The following TEP1 variants were observed in gnomAD, a reference collection of about 807,000 sequenced individuals.
TEP1 encodes telomerase protein component 1.
A neutral mutation model predicts 306.3 loss-of-function variants in TEP1; 241 were observed. The observed-to-expected ratio is 0.79, with a 90% CI of 0.71 to 0.88. The LOEUF (loss-of-function observed/expected upper bound fraction) is 0.88, where lower values mean the gene tolerates loss of function less well. TEP1 is among the 40% of genes least tolerant of loss of function. TEP1 has a pLI of 0.00. For synonymous variants in TEP1, 1,289 were observed against 1,305.5 expected, an observed-to-expected ratio of 0.99 and a Z score of 0.27; for missense variants, 3,051 against 3,276.1, an observed-to-expected ratio of 0.93 and a Z score of 1.68.
At chr14:20,400,497 C>CAAAAAAA (rs71108598) in intron 9 of TEP1, among the ~76,000 whole-genome samples, 1 of 85,470 alleles carries the variant, frequency 1.2e-5, no homozygotes, top group African/African-American at 3.5e-5. Context: ...AAAAGTAGAC[C>CAAAAAAA]AAAAAAAAAA....
chr14:20,384,290 C>A (rs890246200), intron 23 of TEP1, 58 bp from the exon 24 acceptor site: 8 of 1,608,518 alleles, frequency 5.0e-6, no homozygotes, highest in Non-Finnish European at 6.8e-6. Context: ...CACTCCCAGG[C>A]TAAAACTCAC....
chr14:20,396,247 C>T (rs1878198091), intron 10 of TEP1, among the ~76,000 whole-genome samples: 1 of 152,326 alleles, frequency 6.6e-6, no homozygotes, highest in South Asian at 2.1e-4. Context: ...GGCAGGTGGA[C>T]TGCCTGGGCT....
At position 20,368,797 on chromosome 14, in the gene TEP1, C is replaced by G. The variant is rs1466342512; in HGVS notation, c.7761+1G>C. 3.7e-6 allele frequency: 6 copies of G among 1,603,044 alleles called. No individual in the cohort carries two copies. The East Asian group carries it at 8.9e-5, about 24-fold the overall frequency. On this transcript the variant is annotated splice_donor_variant, in intron 54 of 54. Coordinates refer to ENST00000262715, the MANE Select transcript of TEP1 (RefSeq NM_007110.5). LOFTEE classifies it high-confidence loss of function. ...ACACACACACACACACACACACTTACCAGCTGCATACTGGGTCTCTCCCAT... is the reference window on the plus strand; with the variant it reads ...ACACACACACACACACACACACTTAGCAGCTGCATACTGGGTCTCTCCCAT...
Position 20,391,114 on chromosome 14 carries a change from A to C in TEP1, c.2098-18T>G. On this transcript the variant is annotated intron_variant, in intron 13 of 54. Transcript: ENST00000262715. ...AGCGGGGGCTGATTGGACAAGTGTC[A>C]GGGGAAATAAAGCTCCCCTGCTTTG... 6.2e-7 allele frequency: 1 copy of C among 1,612,528 alleles called. No homozygotes were observed. The highest frequency in any genetic ancestry group is 1.1e-5 in the South Asian group (1 of 91,014).
chr14:20,395,752 G>T, intron 11 of TEP1, 107 bp downstream of exon 11: 3 of 1,493,770 alleles, frequency 2.0e-6, no homozygotes, highest in African/African-American at 2.8e-5. Flanking sequence ...CCCCCACCCC[G>T]ATACACCCTG....
intron 43 of TEP1, among the ~76,000 whole-genome samples, chr14:20,375,276 C>G (rs1468423228): frequency 6.6e-6 from 1 of 152,090 alleles, no homozygotes; most frequent in Non-Finnish European, 1.5e-5. Flanking sequence ...CCTGCCTCAG[C>G]CTTCTGAGTA....
In TEP1 at chr14:20,372,862, T is replaced by C. The variant is rs770815834; in HGVS notation, c.6952-5A>G. ...AGCACCAATGTGGCCTGGAGCCTGG[T>C]GTACACAACAAGTTCAATTCAGTGC... On this transcript the variant is annotated splice_region_variant and splice_polypyrimidine_tract_variant and intron_variant, in intron 48 of 54. Transcript: ENST00000262715. The C allele has an allele frequency of 3.7e-6, 6 of 1,614,068 alleles. 1 individual carries two copies. In the Admixed American group the frequency reaches 1.0e-4, roughly 27 times the overall value.
chr14:20,381,515 C>T lies in TEP1; in HGVS notation c.4558+38G>A. On this transcript the variant is annotated intron_variant, in intron 31 of 54. Coordinates refer to ENST00000262715, the MANE Select transcript of TEP1 (RefSeq NM_007110.5). This position sits in a 1 kb window ranked among gnomAD's most constrained non-coding sequence, Gnocchi z 4.0. ...TGGTCCTGGCCTCCAGGCCCAAGCC[C>T]CACACTCAGTGCCCAGGCTGACTTG... 1.2e-6 allele frequency: 2 copies of T among 1,613,034 alleles called. No individual in the cohort carries two copies. Among genetic ancestry groups the T allele is most frequent in the Non-Finnish European group, 1.7e-6 (2 of 1,180,006 alleles).
chr14:20,408,817 A>C (rs1252072479), intron 1 of TEP1, among the ~76,000 whole-genome samples: 1 of 151,880 alleles, frequency 6.6e-6, no homozygotes, highest in Non-Finnish European at 1.5e-5. Flanking sequence ...GTTTTAAAAA[A>C]TAAAAAATAT....
intron 51 of TEP1, among the ~76,000 whole-genome samples, chr14:20,370,826 C>T (rs1260833407): frequency 1.3e-5 from 2 of 152,166 alleles, no homozygotes; most frequent in Non-Finnish European, 2.9e-5. Flanking sequence ...GAACAGCTAG[C>T]TTTGGCACAC....
intron 51 of TEP1, among the ~76,000 whole-genome samples, chr14:20,370,639 T>G (rs1355743433): frequency 2.0e-5 from 3 of 152,242 alleles, no homozygotes; most frequent in Non-Finnish European, 4.4e-5. Context: ...AAAGCTGCTA[T>G]GAAGATTCTT....
intron 18 of TEP1, 67 bp downstream of exon 18, chr14:20,387,838 C>T: frequency 6.5e-7 from 1 of 1,527,928 alleles, no homozygotes; most frequent in Non-Finnish European, 8.8e-7. Flanking sequence ...GAATTTCAGC[C>T]CCAGGGTTTC....
In TEP1 at chr14:20,408,112, G is replaced by C; in HGVS notation, c.328C>G (p.Arg110Gly). 6.2e-7 allele frequency: 1 copy of C among 1,609,862 alleles called. No homozygotes were observed. The highest frequency in any genetic ancestry group is 8.5e-7 in the Non-Finnish European group (1 of 1,177,390). The stretch of plus-strand genomic sequence containing the variant: ...AGACTAGAGAGGGTGGCCAGGCACC[G>C]GTTCTCCAAGGAGAGGATGTCTGGG... ...AHPDILSLEN[R>G]CLATLSSLKS... Residue 110 changes from arginine (R) to glycine (G), a missense_variant, in exon 2 of 55, where the codon CGG becomes GGG. By Grantham distance (125) the Arg-to-Gly change is moderately radical (BLOSUM62 -2). Coordinates refer to ENST00000262715, the MANE Select transcript of TEP1 (RefSeq NM_007110.5).
Position 20,405,586 on chromosome 14 carries a change from C to G in TEP1, c.736-1G>C, listed in dbSNP as rs1424678511. The G allele has an allele frequency of 5.0e-6, 8 of 1,613,150 alleles. No homozygotes were observed. The highest frequency in any genetic ancestry group is 2.2e-5 in the East Asian group (1 of 44,884). On this transcript the variant is annotated splice_acceptor_variant, in intron 3 of 54. Coordinates refer to ENST00000262715, the MANE Select transcript of TEP1 (RefSeq NM_007110.5). LOFTEE classifies it high-confidence loss of function. ...AGCACAGCAAGCTCAGTAGAGCCAT[C>G]TGGGAATTGAGAAAGAGGGAAGAAA...
intron 12 of TEP1, among the ~76,000 whole-genome samples, chr14:20,393,910 AACCCTAACTCT>A (rs1435009056): frequency 6.6e-6 from 1 of 151,978 alleles, no homozygotes; most frequent in African/African-American, 2.4e-5. Context: ...AACATGGTGA[AACCCTAACTCT>A]ACAAAAAATA....
In TEP1 at chr14:20,406,197, C is replaced by A. The variant is rs370420548; in HGVS notation, c.735+36G>T. The A allele has an allele frequency of 4.3e-6, 7 of 1,609,958 alleles. No individual in the cohort carries two copies. The African/African-American group carries it at 8.0e-5, about 18-fold the overall frequency. On this transcript the variant is annotated intron_variant, in intron 3 of 54. Transcript: ENST00000262715. ...CTCCACCACCAACCTCCCCTCCACA[C>A]CATTATTAACCTTCCCCTAACTCTT...
chr14:20,368,973 G>T, intron 53 of TEP1, 71 bp from the exon 54 acceptor site: 1 of 1,110,424 alleles, frequency 9.0e-7, no homozygotes. Context: ...ATCACAATGT[G>T]CTGTGTCAGA....
rs200824711 is a variant in TEP1, at chr14:20,401,180, C to A, written c.1392-39G>T. On this transcript the variant is annotated intron_variant, in intron 8 of 54. Coordinates refer to ENST00000262715, the MANE Select transcript of TEP1 (RefSeq NM_007110.5). ...AGAAAGAGGTCTATCATTTCAGAGTCAGCAAGAAAATAACTCAGAAAAGGA... is the reference window on the plus strand; with the variant it reads ...AGAAAGAGGTCTATCATTTCAGAGTAAGCAAGAAAATAACTCAGAAAAGGA... 10 of 1,606,042 alleles carry A rather than the reference C, an allele frequency of 6.2e-6. No homozygotes were observed. In the East Asian group the frequency reaches 2.2e-4, roughly 36 times the overall value.
At chr14:20,378,335 C>T (rs1214402152) in intron 38 of TEP1, 45 bp downstream of exon 38, 2 of 1,613,186 alleles carry the variant, frequency 1.2e-6, no homozygotes, top group Admixed American at 1.7e-5. Context: ...CCCTCCACTC[C>T]TGTCCTCCTG....
Sources: gnomAD v4.1 joint callset for allele counts (sites outside exome capture counted in the v4.1 genomes callset) on GRCh38, gnomAD v4.1.1 for gene constraint, Gnocchi (gnomAD v3.1) non-coding constraint, MANE v1.5 for transcripts, NCBI Gene and HGNC (gene_info 2026-07-23, HGNC 2026-07-21) for gene names.